The following COL22A1 variants were observed in gnomAD, a reference collection of about 807,000 sequenced individuals.
COL22A1 encodes collagen type XXII alpha 1 chain.
A neutral mutation model predicts 248.9 loss-of-function variants in COL22A1; 221 were observed. The ratio of observed to expected loss-of-function variants is 0.89; its 90% CI spans 0.80 to 0.99. The LOEUF is 0.99. Among genes scored for constraint, COL22A1 ranks in the 50% least tolerant of loss-of-function variants. The pLI is 0.00. For synonymous variants in COL22A1, 891 were observed against 793.4 expected (o/e 1.12, Z -2.07); for missense variants, 2,240 against 2,179.0 (o/e 1.03, Z -0.56).
At chr8:138,639,235 A>G (rs1821455752) in intron 47 of COL22A1, among the ~76,000 whole-genome samples, 1 of 152,232 alleles carries the variant, frequency 6.6e-6, no homozygotes, top group Non-Finnish European at 1.5e-5. Context: ...ACCTGAGCTC[A>G]CACAGCTTAT....
At chr8:138,803,164 G>A (rs1586778463) in intron 10 of COL22A1, among the ~76,000 whole-genome samples, 2 of 152,174 alleles carry the variant, frequency 1.3e-5, no homozygotes, top group Non-Finnish European at 2.9e-5. Flanking sequence ...GAAAGCAAGT[G>A]CATGAAAGCA....
At chr8:138,728,926 C>T (rs1460060277) in intron 23 of COL22A1, among the ~76,000 whole-genome samples, 2 of 152,046 alleles carry the variant, frequency 1.3e-5, no homozygotes, top group Admixed American at 6.5e-5. Context: ...AGGCCAGCTC[C>T]GTATTCCATC....
chr8:138,768,252 G>A (rs1834064486), intron 16 of COL22A1, among the ~76,000 whole-genome samples: 1 of 152,196 alleles, frequency 6.6e-6, no homozygotes, highest in Admixed American at 6.5e-5. Context: ...CCTGGCAGCA[G>A]GGGACCCTCC....
intron 40 of COL22A1, 38 bp downstream of exon 40, chr8:138,679,579 C>T (rs754258158): frequency 1.1e-5 from 18 of 1,584,582 alleles, no homozygotes; most frequent in Non-Finnish European, 1.4e-5. Context: ...TCTTGTCCTT[C>T]TGTCTTTTTG....
At chr8:138,683,415 T>C (rs1826104061) in intron 39 of COL22A1, among the ~76,000 whole-genome samples, 1 of 152,194 alleles carries the variant, frequency 6.6e-6, no homozygotes, top group African/African-American at 2.4e-5. Context: ...AAAAAGGTCA[T>C]AGTTTCTGAA....
At chr8:138,694,988 C>T in intron 32 of COL22A1, 109 bp from the exon 33 acceptor site, 1 of 991,578 alleles carries the variant, frequency 1.0e-6, no homozygotes, top group South Asian at 1.6e-5. Flanking sequence ...TCCTGTGTAT[C>T]ACCTGATAGG....
At chr8:138,850,209 A>G (rs1355562633) in intron 3 of COL22A1, among the ~76,000 whole-genome samples, 1 of 152,144 alleles carries the variant, frequency 6.6e-6, no homozygotes, top group Non-Finnish European at 1.5e-5. Context: ...GCCAGAGTGT[A>G]TCAGCACCAG....
chr8:138,733,041 C>G (rs954992987), intron 23 of COL22A1, among the ~76,000 whole-genome samples: 1 of 152,174 alleles, frequency 6.6e-6, no homozygotes. Flanking sequence ...TGGTAGATCC[C>G]TGTGGCACTA....
intron 5 of COL22A1, among the ~76,000 whole-genome samples, chr8:138,831,587 C>T (rs1203612137): frequency 6.6e-6 from 1 of 152,084 alleles, no homozygotes; most frequent in Non-Finnish European, 1.5e-5. Context: ...GCAGGATGAG[C>T]AGGGCACGTG....
At chr8:138,870,869 G>A (rs541040626) in intron 3 of COL22A1, among the ~76,000 whole-genome samples, 4 of 151,704 alleles carry the variant, frequency 2.6e-5, no homozygotes, top group Non-Finnish European at 5.9e-5. Flanking sequence ...TTTGTGAGGG[G>A]TGTCTGTGTG....
chr8:138,595,593 C>T (rs570494428), intron 62 of COL22A1, among the ~76,000 whole-genome samples: 12 of 152,218 alleles, frequency 7.9e-5, no homozygotes, highest in African/African-American at 2.6e-4. Context: ...CACTCCTTAA[C>T]GTGTGCTTCA....
At chr8:138,787,137 G>A (rs1345516816) in intron 12 of COL22A1, among the ~76,000 whole-genome samples, 1 of 152,078 alleles carries the variant, frequency 6.6e-6, no homozygotes, top group Non-Finnish European at 1.5e-5. Context: ...ACTCATCCAA[G>A]TGCATGGGAT....
intron 23 of COL22A1, among the ~76,000 whole-genome samples, chr8:138,725,752 GACACACACACACAC>G (rs66497386): frequency 0.51 from 75,396 of 148,598 alleles, 21,492 homozygotes; most frequent in South Asian, 0.66. Flanking sequence ...CACATGTGCA[GACACACACACACAC>G]ACACACACAC....
chr8:138,894,303 G>A (rs1460981997), intron 1 of COL22A1, among the ~76,000 whole-genome samples: 4 of 152,184 alleles, frequency 2.6e-5, no homozygotes, highest in Non-Finnish European at 5.9e-5. Context: ...ATGGATTAGA[G>A]AGACCAATGA....
intron 4 of COL22A1, among the ~76,000 whole-genome samples, chr8:138,833,892 T>C (rs1191891827): frequency 6.6e-6 from 1 of 152,186 alleles, no homozygotes; most frequent in Non-Finnish European, 1.5e-5. Context: ...TCTTGGGTAC[T>C]TCACTGTGGA....
At chr8:138,906,317 C>T (rs1180257282) in intron 1 of COL22A1, among the ~76,000 whole-genome samples, 5 of 149,720 alleles carry the variant, frequency 3.3e-5, no homozygotes, top group African/African-American at 4.9e-5. Flanking sequence ...TTGCAGTGAG[C>T]GGAGGTGGTG....
rs138545108 is a variant in COL22A1 at position 138,641,624 on chromosome 8, G to A, written c.3502-4829C>T. Among the ~76,000 whole-genome samples, 749 of 152,264 alleles carry A rather than the reference G, an allele frequency of 4.9e-3. 5 individuals carry two copies. The highest frequency in any genetic ancestry group is 0.017 in the African/African-American group (706 of 41,548). On this transcript the variant is annotated intron_variant, in intron 47 of 64. Coordinates refer to ENST00000303045, the MANE Select transcript of COL22A1 (RefSeq NM_152888.3). The stretch of plus-strand genomic sequence containing the variant: ...CTAGAATGGAGCTCTGTAGTTGACC[G>A]TGTGGCATGAGCCTCCTCATGCCGG...
chr8:138,643,329 C>T (rs751192594), intron 47 of COL22A1, among the ~76,000 whole-genome samples: 4 of 152,174 alleles, frequency 2.6e-5, no homozygotes, highest in Admixed American at 1.3e-4. Context: ...TCTGTCAAAA[C>T]CATCTAAATC....
chr8:138,690,950 G>C, intron 35 of COL22A1, 76 bp from the exon 36 acceptor site: 29 of 1,204,040 alleles, frequency 2.4e-5, no homozygotes, highest in South Asian at 4.6e-5. Flanking sequence ...CTGCAAATCT[G>C]CCTCATACTC....
Sources: allele counts gnomAD v4.1 joint callset (sites outside exome capture counted in the v4.1 genomes callset), GRCh38; gene constraint gnomAD v4.1.1; transcripts MANE v1.5; gene names NCBI Gene and HGNC (gene_info 2026-07-23, HGNC 2026-07-21).